Variants in ENTREP3 observed in about 807,000 individuals in gnomAD.
ENTREP3 encodes the protein endosomal transmembrane epsin interactor 3, also known as protein ENTREP3.
At chr1:155,250,558 G>A in the ENTREP3 span, 112 of 1,586,072 alleles carry the variant, frequency 7.1e-5, 1 homozygote, top group East Asian at 2.2e-3. The surrounding 1 kb of genome is among the most constrained non-coding windows in gnomAD (Gnocchi z 5.4). Flanking sequence ...AGTGGGGGTG[G>A]AGCTTCAGGG....
At chr1:155,252,332 GAA>G in the ENTREP3 span, among the ~76,000 whole-genome samples, 1 of 151,790 alleles carries the variant, frequency 6.6e-6, no homozygotes, top group Non-Finnish European at 1.5e-5. Flanking sequence ...TGAGTAGCTG[GAA>G]TTATAAGGGT....
At chr1:155,250,614 A>G in the ENTREP3 span, 12 of 1,609,384 alleles carry the variant, frequency 7.5e-6, no homozygotes, top group African/African-American at 1.2e-4. The surrounding 1 kb of genome is among the most constrained non-coding windows in gnomAD (Gnocchi z 5.4). Context: ...GCGCCGTGGC[A>G]GGGGGCTTTC....
chr1:155,253,669 TAGC>T, the ENTREP3 span: 2 of 1,613,898 alleles, frequency 1.2e-6, no homozygotes, highest in Non-Finnish European at 1.7e-6. Flanking sequence ...CAGCAGACAA[TAGC>T]AGAGAGTGTA....
the ENTREP3 span, chr1:155,250,405 G>C: frequency 3.6e-4 from 539 of 1,493,430 alleles, 5 homozygotes; most frequent in East Asian, 0.013. This position sits in a 1 kb window ranked among gnomAD's most constrained non-coding sequence, Gnocchi z 5.4. Flanking sequence ...CTGAAGCGAC[G>C]AGTCGGGGCT....
chr1:155,251,217 G>T, the ENTREP3 span: 3 of 1,385,296 alleles, frequency 2.2e-6, no homozygotes, highest in Non-Finnish European at 3.0e-6. Context: ...ACACCCCCAT[G>T]TGCTAGACAG....
the ENTREP3 span, chr1:155,248,148 T>G: frequency 8.7e-6 from 14 of 1,614,066 alleles, no homozygotes; most frequent in South Asian, 1.4e-4. Flanking sequence ...CAGCTGCCCT[T>G]TAGGTCCCCC....
chr1:155,248,564 C>T, the ENTREP3 span: 1 of 1,078,930 alleles, frequency 9.3e-7, no homozygotes, highest in Non-Finnish European at 1.4e-6. Flanking sequence ...CCCAGAGGAG[C>T]TTTCACAGCT....
At chr1:155,247,680 G>T in the ENTREP3 span, 7 of 1,135,720 alleles carry the variant, frequency 6.2e-6, no homozygotes, top group Non-Finnish European at 8.8e-6. Context: ...TATACAGCAG[G>T]TTTCTTTTTG....
the ENTREP3 span, chr1:155,254,099 G>A: frequency 6.2e-7 from 1 of 1,614,108 alleles, no homozygotes; most frequent in Non-Finnish European, 8.5e-7. This position sits in a 1 kb window ranked among gnomAD's most constrained non-coding sequence, Gnocchi z 4.4. Flanking sequence ...AGCACTGTTG[G>A]AAGTCTCGGG....
chr1:155,247,764 T>A, the ENTREP3 span: 1 of 1,458,876 alleles, frequency 6.9e-7, no homozygotes, highest in Non-Finnish European at 9.1e-7. Context: ...ATGTGTTCAG[T>A]GTGACAAGAA....
the ENTREP3 span, chr1:155,254,328 G>A: frequency 6.4e-7 from 1 of 1,563,394 alleles, no homozygotes; most frequent in South Asian, 1.1e-5. This position sits in a 1 kb window ranked among gnomAD's most constrained non-coding sequence, Gnocchi z 4.4. Context: ...TTCCCTTCTT[G>A]AGGACATAAA....
At chr1:155,250,345 C>T in the ENTREP3 span, 5 of 1,546,268 alleles carry the variant, frequency 3.2e-6, no homozygotes, top group Non-Finnish European at 4.4e-6. This position sits in a 1 kb window ranked among gnomAD's most constrained non-coding sequence, Gnocchi z 5.4. Flanking sequence ...GGTGGGGATG[C>T]CGGATGAGGA....
At chr1:155,255,054 G>A in the ENTREP3 span, 4 of 608,252 alleles carry the variant, frequency 6.6e-6, no homozygotes, top group Middle Eastern at 4.4e-4. The surrounding 1 kb of genome is among the most constrained non-coding windows in gnomAD (Gnocchi z 5.6). Flanking sequence ...GGCCAAGCGA[G>A]GGGCGTCACG....
the ENTREP3 span, chr1:155,250,562 T>G: frequency 6.3e-7 from 1 of 1,591,408 alleles, no homozygotes; most frequent in East Asian, 2.3e-5. The surrounding 1 kb of genome is among the most constrained non-coding windows in gnomAD (Gnocchi z 5.4). Flanking sequence ...GGGGTGGAGC[T>G]TCAGGGGCAG....
the ENTREP3 span, chr1:155,250,618 G>A: frequency 1.2e-6 from 2 of 1,609,630 alleles, no homozygotes; most frequent in African/African-American, 2.7e-5. The surrounding 1 kb of genome is among the most constrained non-coding windows in gnomAD (Gnocchi z 5.4). Flanking sequence ...CGTGGCAGGG[G>A]GCTTTCCTCG....
the ENTREP3 span, chr1:155,251,862 C>T: frequency 6.6e-7 from 1 of 1,509,136 alleles, no homozygotes; most frequent in Middle Eastern, 1.8e-4. Context: ...GGACGTGCAG[C>T]CCAGAGGTCC....
the ENTREP3 span, among the ~76,000 whole-genome samples, chr1:155,250,059 CA>C: frequency 1.9e-3 from 242 of 125,812 alleles, 1 homozygote; most frequent in South Asian, 4.0e-3. This position sits in a 1 kb window ranked among gnomAD's most constrained non-coding sequence, Gnocchi z 5.4. Flanking sequence ...GACTCCGTCT[CA>C]AAAAAAAAAA....
At chr1:155,251,099 T>C in the ENTREP3 span, 9 of 1,612,202 alleles carry the variant, frequency 5.6e-6, no homozygotes, top group Admixed American at 3.3e-5. Context: ...GCTCACCGTC[T>C]ACAATGGAGG....
chr1:155,250,136 G>T, the ENTREP3 span: 1 of 643,584 alleles, frequency 1.6e-6, no homozygotes, highest in East Asian at 3.1e-5. This position sits in a 1 kb window ranked among gnomAD's most constrained non-coding sequence, Gnocchi z 5.4. Flanking sequence ...TACCTGAGAA[G>T]TGTCTACCAG....
Sources: allele counts gnomAD v4.1 joint callset (sites outside exome capture counted in the v4.1 genomes callset), GRCh38; gene constraint gnomAD v4.1.1; non-coding constraint Gnocchi (gnomAD v3.1); transcripts MANE v1.5; gene names NCBI Gene and HGNC (gene_info 2026-07-23, HGNC 2026-07-21).